The following TENT4B variants were observed in gnomAD, a reference collection of about 807,000 sequenced individuals.
The protein encoded by TENT4B is PAP associated domain containing 5.
TENT4B carries 10 observed loss-of-function variants against 75.0 expected under a neutral mutation model. That is an observed-to-expected ratio of 0.13 (90% CI 0.08 to 0.23). The LOEUF (loss-of-function observed/expected upper bound fraction) is 0.23. TENT4B is among the 10% of genes least tolerant of loss of function. The pLI is 1.00. For synonymous variants in TENT4B, 350 were observed against 357.7 expected, an observed-to-expected ratio of 0.98 and a Z score of 0.24; for missense variants, 579 against 893.8, an observed-to-expected ratio of 0.65 and a Z score of 4.49.
intron 1 of TENT4B, among the ~76,000 whole-genome samples, chr16:50,179,280 T>C (rs1356607470): frequency 1.3e-5 from 2 of 152,208 alleles, no homozygotes; most frequent in African/African-American, 4.8e-5. Flanking sequence ...GAGAATCGCT[T>C]GAACCCGGGT....
rs7197261 is a variant in TENT4B, at chr16:50,180,775, A to G, written c.638+26516A>G. 7.2e-3 allele frequency among the ~76,000 whole-genome samples: 1,096 copies of G among 152,142 alleles called. 15 individuals carry two copies. Among genetic ancestry groups the G allele is most frequent in the African/African-American group, 0.025 (1,051 of 41,532 alleles). On this transcript the variant is annotated intron_variant, in intron 1 of 11. Transcript: ENST00000561678. Reference sequence around the variant, plus strand: ...TGCTGCCCAAAGGCGCTATTAAACTATAGGTTCCCAAACCTGGCCAATTGT... The same window carrying G: ...TGCTGCCCAAAGGCGCTATTAAACTGTAGGTTCCCAAACCTGGCCAATTGT...
chr16:50,153,956 A>G lies in TENT4B; in HGVS notation c.335A>G (p.Asn112Ser), dbSNP rs1373464022. The change falls in exon 1 of 12, where the codon AAC (asparagine) becomes AGC (serine). Residue 112 changes from asparagine to serine, a missense_variant. By Grantham distance (46) the Asn-to-Ser change is conservative. Coordinates refer to ENST00000561678, the MANE Select transcript of TENT4B (RefSeq NM_001365324.3). Reference protein sequence around the residue: ...DFLPLETTNNNNNHHQPGAWA... With the variant: ...DFLPLETTNNSNNHHQPGAWA... The stretch of plus-strand genomic sequence containing the variant: ...CTGCCCCTAGAGACGACCAACAACA[A>G]CAACAACCACCACCAGCCCGGGGCC... The G allele has an allele frequency of 3.2e-5, 49 of 1,533,228 alleles. No homozygotes were observed. Among genetic ancestry groups the G allele is most frequent in the Non-Finnish European group, 4.2e-5 (48 of 1,145,860 alleles). 95.0% of individuals were successfully genotyped at this position (1,533,228 alleles called of 1,614,324 possible).
chr16:50,155,272 G>GTGTGTGTGT (rs2037871396), intron 1 of TENT4B, among the ~76,000 whole-genome samples: 161 of 135,482 alleles, frequency 1.2e-3, no homozygotes, highest in Middle Eastern at 3.7e-3. Context: ...GGGTCTCGTG[G>GTGTGTGTGT]GTGTGTGTGT....
chr16:50,219,177 A>C (rs1775031088), intron 5 of TENT4B, among the ~76,000 whole-genome samples: 1 of 152,206 alleles, frequency 6.6e-6, no homozygotes, highest in African/African-American at 2.4e-5. Context: ...GATAACATTC[A>C]TCAGTATAAA....
At chr16:50,203,915 T>G (rs2030802033) in intron 1 of TENT4B, among the ~76,000 whole-genome samples, 1 of 152,222 alleles carries the variant, frequency 6.6e-6, no homozygotes. Flanking sequence ...AGGCCTGGTC[T>G]GCCATGCTCC....
intron 1 of TENT4B, among the ~76,000 whole-genome samples, chr16:50,181,712 C>T (rs911530197): frequency 2.0e-5 from 3 of 152,100 alleles, no homozygotes; most frequent in African/African-American, 7.2e-5. Context: ...TGTTTTTGCA[C>T]ATGCCTCTTT....
intron 1 of TENT4B, among the ~76,000 whole-genome samples, chr16:50,189,270 G>A (rs2038594125): frequency 6.6e-6 from 1 of 152,046 alleles, no homozygotes; most frequent in Non-Finnish European, 1.5e-5. Flanking sequence ...TGACCCTGGA[G>A]TACCTTGTCT....
chr16:50,226,112 G>C (rs1214306091), intron 10 of TENT4B, among the ~76,000 whole-genome samples: 1 of 151,636 alleles, frequency 6.6e-6, no homozygotes, highest in African/African-American at 2.4e-5. Context: ...CGATTCTCCT[G>C]CCTCAGCCTC....
At chr16:50,194,617 C>T (rs2030087914) in intron 1 of TENT4B, among the ~76,000 whole-genome samples, 1 of 151,960 alleles carries the variant, frequency 6.6e-6, no homozygotes, top group African/African-American at 2.4e-5. Context: ...GTGGTGCAGT[C>T]ATGGCTCACT....
chr16:50,173,259 A>G (rs896290543), intron 1 of TENT4B, among the ~76,000 whole-genome samples: 3 of 151,778 alleles, frequency 2.0e-5, no homozygotes, highest in African/African-American at 7.3e-5. Flanking sequence ...TTTTTTTTGT[A>G]CTGCTGAATA....
intron 1 of TENT4B, among the ~76,000 whole-genome samples, chr16:50,208,904 T>C (rs1388219823): frequency 6.6e-6 from 1 of 152,184 alleles, no homozygotes; most frequent in Non-Finnish European, 1.5e-5. Context: ...AGCTAATTTT[T>C]ATATTTTTAG....
chr16:50,209,541 C>T (rs1567505557), intron 1 of TENT4B, among the ~76,000 whole-genome samples: 1 of 152,240 alleles, frequency 6.6e-6, no homozygotes, highest in African/African-American at 2.4e-5. Flanking sequence ...CACCTACAGA[C>T]CTCTCTGGAG....
chr16:50,211,532 T>C, intron 2 of TENT4B, 86 bp downstream of exon 2: 1 of 1,396,032 alleles, frequency 7.2e-7, no homozygotes, highest in South Asian at 1.8e-5. Context: ...ATGCTAGTCC[T>C]CACATGCAAG....
intron 1 of TENT4B, among the ~76,000 whole-genome samples, chr16:50,160,640 A>G (rs2037986984): frequency 6.6e-6 from 1 of 152,236 alleles, no homozygotes; most frequent in Non-Finnish European, 1.5e-5. Flanking sequence ...GGAACTGATC[A>G]GATGGTTCTC....
intron 1 of TENT4B, among the ~76,000 whole-genome samples, chr16:50,192,303 A>G (rs1050784606): frequency 1.3e-5 from 2 of 152,258 alleles, no homozygotes; most frequent in East Asian, 1.9e-4. Flanking sequence ...TCAAGCAAGT[A>G]TGACCTTCTT....
chr16:50,157,679 C>T (rs2037926996), intron 1 of TENT4B, among the ~76,000 whole-genome samples: 1 of 151,928 alleles, frequency 6.6e-6, no homozygotes, highest in Non-Finnish European at 1.5e-5. Flanking sequence ...TCACTGCAGC[C>T]TTTGCCTGGG....
chr16:50,214,380 G>A (rs2031441919), intron 3 of TENT4B, 113 bp downstream of exon 3: 8 of 793,492 alleles, frequency 1.0e-5, no homozygotes, highest in Non-Finnish European at 1.6e-5. Flanking sequence ...ATGGGGCTGG[G>A]CATGGTGGCT....
At chr16:50,192,043 A>C (rs1407220460) in intron 1 of TENT4B, among the ~76,000 whole-genome samples, 2 of 152,010 alleles carry the variant, frequency 1.3e-5, no homozygotes, top group Non-Finnish European at 2.9e-5. Flanking sequence ...GGAGTTCGAT[A>C]CCAGCCTGGG....
intron 1 of TENT4B, among the ~76,000 whole-genome samples, chr16:50,155,272 G>GGTGGGTGTGTGT (rs1555506870): frequency 3.0e-5 from 4 of 135,370 alleles, no homozygotes; most frequent in South Asian, 2.6e-4. Flanking sequence ...GGGTCTCGTG[G>GGTGGGTGTGTGT]GTGTGTGTGT....
Sources: gnomAD v4.1 joint callset for allele counts (sites outside exome capture counted in the v4.1 genomes callset) on GRCh38, gnomAD v4.1.1 for gene constraint, MANE v1.5 for transcripts, NCBI Gene and HGNC (gene_info 2026-07-23, HGNC 2026-07-21) for gene names.